NKAIN3: variants seen among roughly 807,000 people sequenced by gnomAD.
NKAIN3 encodes the protein sodium/potassium transporting ATPase interacting 3.
In NKAIN3, 25 loss-of-function variants were observed where a neutral mutation model predicts 30.2. The observed-to-expected ratio is 0.83, with a 90% CI of 0.60 to 1.16. The LOEUF (loss-of-function observed/expected upper bound fraction) is 1.16. Ranked by LOEUF, NKAIN3 falls within the 50% of genes most tolerant of loss-of-function variation. The probability of loss-of-function intolerance (pLI) is 0.00; values close to 1 mark genes in which losing one functional copy is unlikely to be tolerated. For synonymous variants in NKAIN3, 91 were observed against 89.6 expected, an observed-to-expected ratio of 1.02 and a Z score of -0.09; for missense variants, 225 against 254.1, an observed-to-expected ratio of 0.89 and a Z score of 0.78.
Position 62,762,104 on chromosome 8 carries a change from T to C in NKAIN3, c.471+14975T>C, listed in dbSNP as rs62512375. 3.7e-3 allele frequency among the ~76,000 whole-genome samples: 558 copies of C among 152,076 alleles called. 1 individual carries two copies. Among genetic ancestry groups the C allele is most frequent in the Non-Finnish European group, 7.0e-3 (475 of 67,966 alleles). ...GCTGAGGCGGGTGGATCACCTGAGGTCAGGAGTTCCAGACTAGCCTGGCCA... is the reference window on the plus strand; with the variant it reads ...GCTGAGGCGGGTGGATCACCTGAGGCCAGGAGTTCCAGACTAGCCTGGCCA... On this transcript the variant is annotated intron_variant, in intron 4 of 6. Transcript: ENST00000623646.
chr8:62,816,061 T>A (rs1818668093), intron 4 of NKAIN3, among the ~76,000 whole-genome samples: 3 of 152,202 alleles, frequency 2.0e-5, no homozygotes, highest in Non-Finnish European at 4.4e-5. Context: ...TGAAGAGTTA[T>A]TGTGTTCCTT....
At chr8:62,990,408 T>A in intron 5 of NKAIN3, 1 of 1,160,314 alleles carries the variant, frequency 8.6e-7, no homozygotes, top group Admixed American at 4.4e-5. Flanking sequence ...GGTTTTTTTT[T>A]AACCAGCAGT....
At chr8:62,865,555 A>G (rs953112669) in intron 4 of NKAIN3, among the ~76,000 whole-genome samples, 5 of 152,128 alleles carry the variant, frequency 3.3e-5, no homozygotes, top group African/African-American at 1.2e-4. Flanking sequence ...ACGTGTCTCT[A>G]AGCATTGTTT....
intron 3 of NKAIN3, among the ~76,000 whole-genome samples, chr8:62,625,659 A>G (rs1811766348): frequency 1.3e-5 from 2 of 152,140 alleles, no homozygotes; most frequent in South Asian, 4.1e-4. Context: ...TAACTGTATG[A>G]ATTACACTAC....
intron 1 of NKAIN3, among the ~76,000 whole-genome samples, chr8:62,409,389 G>A (rs918840556): frequency 6.6e-6 from 1 of 152,006 alleles, no homozygotes; most frequent in African/African-American, 2.4e-5. Flanking sequence ...TCACCATGTT[G>A]GTCAGGCTGG....
In NKAIN3 at chr8:62,634,515, A is replaced by G. The variant is rs1198384497; in HGVS notation, c.273+44721A>G. Among the ~76,000 whole-genome samples, 2 of 152,172 alleles carry G rather than the reference A, an allele frequency of 1.3e-5. 1 individual carries two copies. Among genetic ancestry groups the G allele is most frequent in the Non-Finnish European group, 2.9e-5 (2 of 68,010 alleles). On this transcript the variant is annotated intron_variant, in intron 3 of 6. Transcript: ENST00000623646. ...CGTCTCAGTGATTGGCTTTCTGTGC[A>G]GCAAGCAACAGGACCTAGACCAAAC...
rs1817348101 is a variant in NKAIN3, at chr8:62,781,362, A to G, written c.471+34233A>G. Among the ~76,000 whole-genome samples, 4 of 151,876 alleles carry G rather than the reference A, an allele frequency of 2.6e-5. No homozygotes were observed. The South Asian group carries it at 8.3e-4, about 31-fold the overall frequency. ...TTAATCATACCACCCAAAGGACTCTACAGATTCGATGCAATCTTTATCAAA... is the reference window on the plus strand; with the variant it reads ...TTAATCATACCACCCAAAGGACTCTGCAGATTCGATGCAATCTTTATCAAA... On this transcript the variant is annotated intron_variant, in intron 4 of 6. Coordinates refer to ENST00000623646, the MANE Select transcript of NKAIN3 (RefSeq NM_001304533.3).
chr8:62,738,573 T>C (rs1441048826), intron 3 of NKAIN3, among the ~76,000 whole-genome samples: 1 of 126,998 alleles, frequency 7.9e-6, no homozygotes, highest in Non-Finnish European at 1.6e-5. Context: ...CACTCCACCC[T>C]GGGTGACAGA....
intron 4 of NKAIN3, among the ~76,000 whole-genome samples, chr8:62,862,382 A>G (rs1410548680): frequency 1.3e-5 from 2 of 152,142 alleles, no homozygotes; most frequent in East Asian, 3.8e-4. Context: ...GATTATTTGT[A>G]GGTAAAACAA....
At position 62,463,226 on chromosome 8, in the gene NKAIN3, G is replaced by A. The variant is rs1247332224; in HGVS notation, c.55-116313G>A. On this transcript the variant is annotated intron_variant, in intron 1 of 6. Transcript: ENST00000623646. ...AAATGTGCAATGAATAATAAGTTTGGTCCATTATAATTTGGTTTAAGAGAC... is the reference window on the plus strand; with the variant it reads ...AAATGTGCAATGAATAATAAGTTTGATCCATTATAATTTGGTTTAAGAGAC... Among the ~76,000 whole-genome samples the A allele has an allele frequency of 2.6e-5, 4 of 152,218 alleles. No homozygotes were observed. In the East Asian group the frequency reaches 7.7e-4, roughly 29 times the overall value.
rs1165587967 is a variant in NKAIN3, at chr8:62,529,717, GT to G, written c.55-49821del. Among the ~76,000 whole-genome samples, 5 of 152,056 alleles carry G rather than the reference GT, an allele frequency of 3.3e-5. No individual in the cohort carries two copies. In the East Asian group the frequency reaches 9.7e-4, roughly 29 times the overall value. ...ATATTTGTTGTTTATAAGCCACCCA[GT>G]ACATGGTATTCTGTTATAGAAGCCA... On this transcript the variant is annotated intron_variant, in intron 1 of 6. Transcript: ENST00000623646.
intron 3 of NKAIN3, among the ~76,000 whole-genome samples, chr8:62,597,727 T>G (rs1419122999): frequency 6.6e-6 from 1 of 152,056 alleles, no homozygotes; most frequent in African/African-American, 2.4e-5. Flanking sequence ...CATACTACTT[T>G]ATATTAGTTT....
chr8:62,636,943 T>G (rs977289373), intron 3 of NKAIN3, among the ~76,000 whole-genome samples: 5 of 152,186 alleles, frequency 3.3e-5, no homozygotes, highest in African/African-American at 1.2e-4. Context: ...AAGTTGAATT[T>G]TTGCTTCCTT....
chr8:62,951,652 G>A (rs1336126458), intron 5 of NKAIN3, among the ~76,000 whole-genome samples: 5 of 151,812 alleles, frequency 3.3e-5, no homozygotes, highest in South Asian at 2.1e-4. Flanking sequence ...TAATGGGGAC[G>A]GTGTTTCCCC....
chr8:62,811,717 A>AT (rs1236086847), intron 4 of NKAIN3, among the ~76,000 whole-genome samples: 1 of 151,638 alleles, frequency 6.6e-6, no homozygotes, highest in Non-Finnish European at 1.5e-5. Context: ...TTATATTTAG[A>AT]TTTTTTTGCT....
intron 4 of NKAIN3, among the ~76,000 whole-genome samples, chr8:62,751,613 C>T (rs1386534232): frequency 1.3e-5 from 2 of 152,006 alleles, no homozygotes; most frequent in African/African-American, 4.8e-5. Flanking sequence ...CTCAATGTAT[C>T]ATTGTTTATT....
intron 4 of NKAIN3, among the ~76,000 whole-genome samples, chr8:62,880,374 C>T (rs972367534): frequency 4.6e-5 from 7 of 152,134 alleles, no homozygotes; most frequent in Non-Finnish European, 8.8e-5. Context: ...TAACAGAAGA[C>T]AGATCCTTTC....
At chr8:62,934,120 C>T (rs763564144) in intron 5 of NKAIN3, among the ~76,000 whole-genome samples, 26 of 152,086 alleles carry the variant, frequency 1.7e-4, no homozygotes, top group Non-Finnish European at 2.6e-4. Flanking sequence ...TGTGGTGACA[C>T]GCACCTGTAA....
intron 4 of NKAIN3, among the ~76,000 whole-genome samples, chr8:62,878,406 G>A (rs1008072738): frequency 2.0e-5 from 3 of 151,968 alleles, no homozygotes; most frequent in Admixed American, 6.6e-5. Flanking sequence ...GGAGGCCACT[G>A]GCAAACACAT....
Sources: gnomAD v4.1 joint callset for allele counts (sites outside exome capture counted in the v4.1 genomes callset) on GRCh38, gnomAD v4.1.1 for gene constraint, MANE v1.5 for transcripts, NCBI Gene and HGNC (gene_info 2026-07-23, HGNC 2026-07-21) for gene names.